Variants in HMCN1 observed in about 807,000 individuals in gnomAD.
HMCN1 encodes the protein hemicentin-1.
A neutral mutation model predicts 625.9 loss-of-function variants in HMCN1; 321 were observed. The ratio of observed to expected loss-of-function variants is 0.51; its 90% CI spans 0.47 to 0.56. HMCN1 has a LOEUF of 0.56. Ranked by LOEUF, HMCN1 falls within the 20% of genes least tolerant of loss-of-function variation. The probability of loss-of-function intolerance (pLI) is 0.00; values close to 1 mark genes in which losing one functional copy is unlikely to be tolerated. For missense variants in HMCN1, 6,588 were observed against 6,887.3 expected, an observed-to-expected ratio of 0.96 and a Z score of 1.54; for synonymous variants, 2,425 against 2,417.6, an observed-to-expected ratio of 1.00 and a Z score of -0.09.
At chr1:185,867,611 T>C (rs936187140) in intron 4 of HMCN1, among the ~76,000 whole-genome samples, 8 of 152,020 alleles carry the variant, frequency 5.3e-5, no homozygotes, top group African/African-American at 1.5e-4. Flanking sequence ...TGCACAGAGA[T>C]AGAGTGTTGG....
In HMCN1 at chr1:185,978,251, TAG is replaced by T. The variant is rs1651368686; in HGVS notation, c.2566+273_2566+274del. ...ATATCTTACCATTTCTTATTGCAAATAGAGTCATCTGAGCCTTTACATAGATA... is the reference window on the plus strand; with the variant it reads ...ATATCTTACCATTTCTTATTGCAAATAGTCATCTGAGCCTTTACATAGATA... On this transcript the variant is annotated intron_variant, in intron 16 of 106. Coordinates refer to ENST00000271588, the MANE Select transcript of HMCN1 (RefSeq NM_031935.3). 5.0e-5 allele frequency: 18 copies of T among 357,914 alleles called. No homozygotes were observed. The South Asian group carries it at 6.0e-4, about 12-fold the overall frequency. The allele number at this position is 357,914 out of a possible 1,614,324, so 22.2% of individuals were successfully genotyped here. A position where few individuals can be genotyped will look rare whatever the true frequency, so the allele number is the denominator to read the frequency against.
intron 36 of HMCN1, among the ~76,000 whole-genome samples, chr1:186,036,277 C>A (rs1013829997): frequency 1.3e-5 from 2 of 152,032 alleles, no homozygotes; most frequent in East Asian, 3.9e-4. Context: ...AAGACATACC[C>A]AAGACTGGGC....
intron 11 of HMCN1, among the ~76,000 whole-genome samples, chr1:185,956,211 C>G (rs1251258075): frequency 2.0e-5 from 3 of 151,784 alleles, no homozygotes; most frequent in Non-Finnish European, 4.4e-5. Context: ...TTTTTTCCCT[C>G]ATACACCAAG....
intron 1 of HMCN1, among the ~76,000 whole-genome samples, chr1:185,781,225 T>A (rs1356604954): frequency 1.3e-5 from 2 of 152,226 alleles, no homozygotes; most frequent in African/African-American, 4.8e-5. Context: ...TGCATCTATT[T>A]GATTCTTCTC....
In HMCN1 at chr1:185,888,299, G is replaced by A. The variant is rs1664806718; in HGVS notation, c.622-21038G>A. On this transcript the variant is annotated intron_variant, in intron 4 of 106. Coordinates refer to ENST00000271588, the MANE Select transcript of HMCN1 (RefSeq NM_031935.3). ...TGGTAGTTTCTTTTGCTGTGCAGAA[G>A]CTCTTTAGTTTAATTAGATCCCATT... 2.2e-5 allele frequency among the ~76,000 whole-genome samples: 3 copies of A among 135,110 alleles called. No homozygotes were observed. The South Asian group carries it at 6.8e-4, about 31-fold the overall frequency. The allele number at this position is 135,110 out of a possible 152,430, so 88.6% of individuals were successfully genotyped here. A position where few individuals can be genotyped will look rare whatever the true frequency, so the allele number is the denominator to read the frequency against.
Position 186,041,962 on chromosome 1 carries a change from C to T in HMCN1, c.6304+826C>T, listed in dbSNP as rs185825322. 6.3e-3 allele frequency among the ~76,000 whole-genome samples: 959 copies of T among 152,200 alleles called. 2 individuals are homozygous for T. The highest frequency in any genetic ancestry group is 0.027 in the Middle Eastern group (8 of 294). ...CTTTTTAAAAATTTTTACCTCCAGA[C>T]AATGTGGACCATGTTGTCTTCTCTT... On this transcript the variant is annotated intron_variant, in intron 40 of 106. Transcript: ENST00000271588.
Position 186,114,920 on chromosome 1 carries a change from G to A in HMCN1, c.11378G>A (p.Arg3793His), listed in dbSNP as rs768205453. ...CMATNAAGTD[R>H]RRIDLQVHVP... ...GCCACCAATGCTGCTGGAACAGATC[G>A]CAGGCGAATAGATTTACAGGTCCAT... is the stretch of plus-strand genomic sequence containing the variant. The change falls in exon 74 of 107, where the codon CGC (arginine) becomes CAC (histidine). Residue 3793 changes from arginine (R) to histidine (H), a missense_variant. Physicochemically the swap from Arg to His is conservative, Grantham distance 29. Around this residue, in one of 3 missense-constraint regions of HMCN1, gnomAD observed 4,628 missense variants for 4,853.1 expected, o/e 0.95. Coordinates refer to ENST00000271588, the MANE Select transcript of HMCN1 (RefSeq NM_031935.3). 21 of 1,613,966 alleles carry A rather than the reference G, an allele frequency of 1.3e-5. No homozygotes were observed. The Middle Eastern group carries it at 4.9e-4, about 38-fold the overall frequency.
At position 186,110,678 on chromosome 1, in the gene HMCN1, G is replaced by A. The variant is rs142572176; in HGVS notation, c.10989+2081G>A. Among the ~76,000 whole-genome samples the A allele has an allele frequency of 4.9e-4, 75 of 152,268 alleles. 2 individuals carry two copies. In the East Asian group the frequency reaches 0.014, roughly 27 times the overall value. On this transcript the variant is annotated intron_variant, in intron 71 of 106. Transcript: ENST00000271588. ...AGAAAGAGATTGGAGACAGAGGAGA[G>A]AGAAAGAGCAGTTTATAGGACACGT...
At chr1:185,835,984 A>G (rs1338997934) in intron 1 of HMCN1, among the ~76,000 whole-genome samples, 1 of 152,194 alleles carries the variant, frequency 6.6e-6, no homozygotes, top group East Asian at 1.9e-4. Flanking sequence ...TGTGCACTTA[A>G]AAGAGACGAA....
intron 4 of HMCN1, among the ~76,000 whole-genome samples, chr1:185,871,742 A>G (rs948004155): frequency 6.6e-6 from 1 of 151,002 alleles, no homozygotes; most frequent in Non-Finnish European, 1.5e-5. Context: ...CCTGAGTTCA[A>G]TACTTAAAAA....
chr1:186,061,745 A>G (rs1007332034), intron 46 of HMCN1, 106 bp from the exon 47 acceptor site: 19 of 680,366 alleles, frequency 2.8e-5, no homozygotes, highest in African/African-American at 1.3e-4. Flanking sequence ...AAGGGCCTCT[A>G]AAGCATACTG....
At chr1:185,873,906 T>G (rs2102375702) in intron 4 of HMCN1, among the ~76,000 whole-genome samples, 1 of 152,158 alleles carries the variant, frequency 6.6e-6, no homozygotes, top group South Asian at 2.1e-4. Flanking sequence ...CATAATTACC[T>G]ACCCAGGAAC....
chr1:186,160,612 T>C (rs1431824494), intron 97 of HMCN1, among the ~76,000 whole-genome samples: 5 of 150,966 alleles, frequency 3.3e-5, no homozygotes, highest in Non-Finnish European at 7.4e-5. Context: ...GAGATTCTGT[T>C]ATGTTGTGTC....
intron 4 of HMCN1, among the ~76,000 whole-genome samples, chr1:185,900,044 C>G (rs1571528748): frequency 6.6e-6 from 1 of 151,878 alleles, no homozygotes; most frequent in Non-Finnish European, 1.5e-5. Flanking sequence ...TCCTCTCTTC[C>G]TCAACATGTT....
intron 11 of HMCN1, among the ~76,000 whole-genome samples, chr1:185,935,611 G>A (rs1417857158): frequency 6.6e-6 from 1 of 152,074 alleles, no homozygotes; most frequent in Non-Finnish European, 1.5e-5. Context: ...AAATATGACA[G>A]TACATTATTA....
Position 186,038,938 on chromosome 1 carries a change from CATAT to C in HMCN1, c.5965_5968del (p.Tyr1989AsnfsTer40). ...AAAGTGCCCAGATCTCAGATGCTGG[CATAT>C]ATAAATGCGTGGCCATCAACTCAGC... On this transcript the variant is annotated frameshift_variant, in exon 38 of 107. Transcript: ENST00000271588. LOFTEE classifies it high-confidence loss of function. 1 of 1,611,840 alleles carries C rather than the reference CATAT, an allele frequency of 6.2e-7. No homozygotes were observed. Among genetic ancestry groups the C allele is most frequent in the Non-Finnish European group, 8.5e-7 (1 of 1,178,064 alleles).
rs1446299731 is a variant in HMCN1, at chr1:186,144,518, T to A, written c.14096-15T>A. On this transcript the variant is annotated splice_polypyrimidine_tract_variant and intron_variant, in intron 90 of 106. Transcript: ENST00000271588. ...TAGGTAGTAAGAAAGCATGTACCTTTTTCCCTTATTCCAGTTCATGGCAAG... is the reference window on the plus strand; with the variant it reads ...TAGGTAGTAAGAAAGCATGTACCTTATTCCCTTATTCCAGTTCATGGCAAG... The A allele has an allele frequency of 2.5e-6, 4 of 1,614,094 alleles. No homozygotes were observed. The highest frequency in any genetic ancestry group is 3.4e-6 in the Non-Finnish European group (4 of 1,179,996).
At chr1:186,038,220 G>T (rs1285673064) in intron 37 of HMCN1, among the ~76,000 whole-genome samples, 185 bp downstream of exon 37, 1 of 152,104 alleles carries the variant, frequency 6.6e-6, no homozygotes, top group African/African-American at 2.4e-5. Context: ...TTAACTAACT[G>T]CATGAAACAA....
chr1:185,892,768 G>A (rs922220780), intron 4 of HMCN1, among the ~76,000 whole-genome samples: 1 of 152,152 alleles, frequency 6.6e-6, no homozygotes, highest in African/African-American at 2.4e-5. Context: ...CTTTTTGTTT[G>A]TCTGTGCCCT....
Sources: allele counts gnomAD v4.1 joint callset (sites outside exome capture counted in the v4.1 genomes callset), GRCh38; gene constraint gnomAD v4.1.1; regional missense constraint gnomAD v4.1.1; transcripts MANE v1.5; gene names NCBI Gene and HGNC (gene_info 2026-07-23, HGNC 2026-07-21).